TBL1XR1: variants seen among roughly 807,000 people sequenced by gnomAD.
TBL1XR1 encodes the protein F-box-like/WD repeat-containing protein TBL1XR1.
A neutral mutation model predicts 66.9 loss-of-function variants in TBL1XR1; 5 were observed. That is an observed-to-expected ratio of 0.07 (90% CI 0.04 to 0.16). The LOEUF (loss-of-function observed/expected upper bound fraction) is 0.16, where lower values mean the gene tolerates loss of function less well. Ranked by LOEUF, TBL1XR1 falls within the 10% of genes least tolerant of loss-of-function variation. TBL1XR1 has a pLI of 1.00. For missense variants in TBL1XR1, 238 were observed against 623.2 expected, an observed-to-expected ratio of 0.38 and a Z score of 6.58; for synonymous variants, 210 against 206.0, an observed-to-expected ratio of 1.02 and a Z score of -0.17.
intron 1 of TBL1XR1, among the ~76,000 whole-genome samples, chr3:177,099,082 TG>T (rs1294340763): frequency 6.6e-6 from 1 of 152,136 alleles, no homozygotes; most frequent in African/African-American, 2.4e-5. Flanking sequence ...AGTTAAACTT[TG>T]CAGCCAGGCG....
intron 1 of TBL1XR1, among the ~76,000 whole-genome samples, chr3:177,165,199 T>C (rs751920460): frequency 6.6e-6 from 1 of 152,200 alleles, no homozygotes; most frequent in African/African-American, 2.4e-5. Context: ...GCAATTACAG[T>C]AAGCTTGCAG....
In TBL1XR1 at chr3:177,197,270, A is replaced by C. The variant is rs1287258406; in HGVS notation, c.-271T>G. 1 of 147,830 alleles carries C rather than the reference A, an allele frequency of 6.8e-6. No individual in the cohort carries two copies. Among genetic ancestry groups the C allele is most frequent in the Non-Finnish European group, 1.5e-5 (1 of 66,656 alleles). The allele number at this position is 147,830 out of a possible 1,614,324, so 9.2% of individuals were successfully genotyped here. A position where few individuals can be genotyped will look rare whatever the true frequency, so the allele number is the denominator to read the frequency against. ...AGGCAATTATAACCCCAGCGAGCGG[A>C]GGGCGCGGGGGATGGGCGCCGGGCG... On this transcript the variant is annotated 5_prime_UTR_variant, in exon 1 of 16. Coordinates refer to ENST00000457928, the MANE Select transcript of TBL1XR1 (RefSeq NM_024665.7).
At chr3:177,065,336 T>A (rs1203269649) in intron 2 of TBL1XR1, among the ~76,000 whole-genome samples, 2 of 152,148 alleles carry the variant, frequency 1.3e-5, no homozygotes, top group Non-Finnish European at 2.9e-5. Context: ...TCCTTAACTG[T>A]AAAAAGAAGT....
At chr3:177,050,220 T>G (rs1337427202) in intron 6 of TBL1XR1, 82 bp from the exon 7 acceptor site, 2 of 1,482,782 alleles carry the variant, frequency 1.3e-6, no homozygotes, top group African/African-American at 1.4e-5. Flanking sequence ...ATCTGAATAT[T>G]AATAAGGCAA....
chr3:177,152,727 G>A (rs934181573), intron 1 of TBL1XR1, among the ~76,000 whole-genome samples: 2 of 152,052 alleles, frequency 1.3e-5, no homozygotes, highest in Admixed American at 1.3e-4. Flanking sequence ...CATTCTTAGA[G>A]CCATCTCAGA....
At chr3:177,072,190 C>T (rs1042502998) in intron 2 of TBL1XR1, among the ~76,000 whole-genome samples, 5 of 152,110 alleles carry the variant, frequency 3.3e-5, no homozygotes, top group Admixed American at 1.3e-4. Context: ...AAATCAGATA[C>T]GGTATTCTAT....
chr3:177,177,588 A>G (rs1734312513), intron 1 of TBL1XR1, among the ~76,000 whole-genome samples: 1 of 152,248 alleles, frequency 6.6e-6, no homozygotes, highest in Non-Finnish European at 1.5e-5. Context: ...ATCTTTAAGT[A>G]TGGCACTCAC....
At chr3:177,154,814 G>A (rs749341875) in intron 1 of TBL1XR1, among the ~76,000 whole-genome samples, 1 of 152,080 alleles carries the variant, frequency 6.6e-6, no homozygotes, top group Non-Finnish European at 1.5e-5. Context: ...AACTGGACTC[G>A]TATTTACAGA....
chr3:177,040,603 CAGAA>C (rs1393842269), intron 10 of TBL1XR1, among the ~76,000 whole-genome samples: 1 of 150,838 alleles, frequency 6.6e-6, no homozygotes, highest in Non-Finnish European at 1.5e-5. Context: ...ATTTAGGACT[CAGAA>C]AGGAAATTTT....
intron 2 of TBL1XR1, among the ~76,000 whole-genome samples, chr3:177,071,317 AAATATTAT>A (rs1271422117): frequency 7.2e-5 from 11 of 152,264 alleles, no homozygotes; most frequent in African/African-American, 2.4e-4. Flanking sequence ...CTTAAAACTC[AAATATTAT>A]AGGAAGAACA....
In TBL1XR1 at chr3:177,140,252, A is replaced by G. The variant is rs562660333; in HGVS notation, c.-121-41711T>C. Among the ~76,000 whole-genome samples the G allele has an allele frequency of 3.9e-5, 6 of 152,310 alleles. No homozygotes were observed. The South Asian group carries it at 1.2e-3, about 32-fold the overall frequency. Reference sequence around the variant, plus strand: ...GAGGCGGAAGTTGCAGTGAGCCAAGATGGAGCCACTGCACTCCAGCCTGGG... The same window carrying G: ...GAGGCGGAAGTTGCAGTGAGCCAAGGTGGAGCCACTGCACTCCAGCCTGGG... On this transcript the variant is annotated intron_variant, in intron 1 of 15. Transcript: ENST00000457928.
At chr3:177,045,128 G>C (rs979160814) in intron 10 of TBL1XR1, 1 of 152,084 alleles carries the variant, frequency 6.6e-6, no homozygotes, top group Non-Finnish European at 1.5e-5. Context: ...ACACTAAACA[G>C]AGAATGAAAA....
At chr3:177,187,942 C>CTTT (rs1560280218) in intron 1 of TBL1XR1, among the ~76,000 whole-genome samples, 13 of 129,252 alleles carry the variant, frequency 1.0e-4, no homozygotes, top group African/African-American at 4.8e-4. Context: ...AGTACAATTT[C>CTTT]CTTTTTTTTT....
intron 1 of TBL1XR1, among the ~76,000 whole-genome samples, chr3:177,133,400 C>T (rs995302529): frequency 2.6e-5 from 4 of 152,206 alleles, no homozygotes; most frequent in African/African-American, 9.7e-5. Context: ...GATATACATC[C>T]TGAGCTTTCA....
At chr3:177,128,446 T>A (rs1727906696) in intron 1 of TBL1XR1, among the ~76,000 whole-genome samples, 1 of 152,060 alleles carries the variant, frequency 6.6e-6, no homozygotes. Flanking sequence ...CAAACACAGC[T>A]CCCTGCAGCC....
intron 1 of TBL1XR1, among the ~76,000 whole-genome samples, chr3:177,154,413 TAAG>T (rs1301254564): frequency 3.4e-5 from 5 of 147,372 alleles, no homozygotes; most frequent in South Asian, 4.3e-4. Context: ...TTTTTTTTTT[TAAG>T]AAGGAGTTTT....
intron 1 of TBL1XR1, among the ~76,000 whole-genome samples, chr3:177,133,720 G>A (rs1234040099): frequency 1.3e-5 from 2 of 151,866 alleles, no homozygotes; most frequent in African/African-American, 2.4e-5. Flanking sequence ...TGGCCAACAT[G>A]GTGAAACCCC....
intron 1 of TBL1XR1, among the ~76,000 whole-genome samples, chr3:177,124,721 A>C (rs1727399319): frequency 6.6e-6 from 1 of 152,148 alleles, no homozygotes; most frequent in African/African-American, 2.4e-5. Flanking sequence ...TTCAATACTT[A>C]ATAAGTTTAT....
intron 1 of TBL1XR1, among the ~76,000 whole-genome samples, chr3:177,137,512 G>C (rs1181334567): frequency 1.3e-5 from 2 of 152,124 alleles, no homozygotes; most frequent in African/African-American, 2.4e-5. Flanking sequence ...ACATGAATTA[G>C]TTAATTAATT....
Sources: gnomAD v4.1 joint callset for allele counts (sites outside exome capture counted in the v4.1 genomes callset) on GRCh38, gnomAD v4.1.1 for gene constraint, MANE v1.5 for transcripts, NCBI Gene and HGNC (gene_info 2026-07-23, HGNC 2026-07-21) for gene names.